EPG5: variants seen among roughly 807,000 people sequenced by gnomAD.
The protein encoded by EPG5 is ectopic P-granules 5 autophagy tethering factor, also known as ectopic P granules protein 5 homolog.
EPG5 carries 159 observed loss-of-function variants against 302.7 expected under a neutral mutation model. The ratio of observed to expected loss-of-function variants is 0.53; its 90% CI spans 0.46 to 0.60. The LOEUF (loss-of-function observed/expected upper bound fraction) is 0.60, where lower values mean the gene tolerates loss of function less well. Among genes scored for constraint, EPG5 ranks in the 20% least tolerant of loss-of-function variants. EPG5 has a pLI of 0.00. For synonymous variants in EPG5, 1,158 were observed against 1,136.8 expected, an observed-to-expected ratio of 1.02 and a Z score of -0.37; for missense variants, 2,896 against 3,092.4, an observed-to-expected ratio of 0.94 and a Z score of 1.51.
intron 33 of EPG5, among the ~76,000 whole-genome samples, 156 bp from the exon 34 acceptor site, chr18:45,878,604 G>A (rs763586168): frequency 2.6e-5 from 4 of 152,096 alleles, no homozygotes; most frequent in Non-Finnish European, 4.4e-5. Flanking sequence ...GTATGTTTAC[G>A]TTTTCATTGG....
chr18:45,883,624 T>G (rs1178541069), intron 30 of EPG5, among the ~76,000 whole-genome samples: 2 of 136,020 alleles, frequency 1.5e-5, no homozygotes, highest in East Asian at 2.1e-4. Flanking sequence ...GTTTTTTTTT[T>G]TTTTTTTTTT....
chr18:45,828,991 C>T, the EPG5 span: 1 of 678,998 alleles, frequency 1.5e-6, no homozygotes, highest in Non-Finnish European at 1.8e-6. Flanking sequence ...GAGCAGTTTG[C>T]TTGAACTGAG....
chr18:45,943,437 C>T (rs1599626693), intron 8 of EPG5, 126 bp from the exon 9 acceptor site: 1 of 728,672 alleles, frequency 1.4e-6, no homozygotes, highest in Non-Finnish European at 2.3e-6. Context: ...AGTCTCATTA[C>T]TCTGGCTCCC....
chr18:45,884,480 G>A, intron 30 of EPG5, 137 bp downstream of exon 30: 1 of 691,948 alleles, frequency 1.4e-6, no homozygotes, highest in South Asian at 2.1e-5. Flanking sequence ...TGAAGCTCAT[G>A]CAAACTGTGA....
the EPG5 span, among the ~76,000 whole-genome samples, chr18:45,830,701 T>C: frequency 1.4e-5 from 2 of 141,876 alleles, no homozygotes; most frequent in Non-Finnish European, 3.0e-5. Context: ...GTCTCCTGCC[T>C]CAGCCTCTCA....
Position 45,952,436 on chromosome 18 carries a change from C to A in EPG5, c.1216G>T (p.Val406Phe). 1 of 1,614,154 alleles carries A rather than the reference C, an allele frequency of 6.2e-7. No homozygotes were observed. Among genetic ancestry groups the A allele is most frequent in the African/African-American group, 1.3e-5 (1 of 75,038 alleles). The change falls in exon 3 of 44, where the codon GTT becomes TTT. Residue 406 changes from valine to phenylalanine, a missense_variant. By Grantham distance (50) the Val-to-Phe change is conservative. Coordinates refer to ENST00000282041, the MANE Select transcript of EPG5 (RefSeq NM_020964.3). Reference sequence around the variant, plus strand: ...TGGTGAATTGCTGAAGATCTCAGAACAGCTGAACTACTGAGCAATGCATAG... The same window carrying A: ...TGGTGAATTGCTGAAGATCTCAGAAAAGCTGAACTACTGAGCAATGCATAG... ...YIYALLSSSA[V>F]LRSSAIHQQG...
chr18:45,947,228 C>T (rs1003790922), intron 6 of EPG5, among the ~76,000 whole-genome samples: 5 of 152,142 alleles, frequency 3.3e-5, no homozygotes, highest in South Asian at 2.1e-4. Flanking sequence ...TCCTGGCCGA[C>T]ATGGTGAAAC....
intron 8 of EPG5, among the ~76,000 whole-genome samples, chr18:45,943,643 C>T (rs1350899981): frequency 6.6e-6 from 1 of 152,168 alleles, no homozygotes; most frequent in Non-Finnish European, 1.5e-5. Context: ...AGACTCGGGC[C>T]AGGCACGGTG....
At chr18:45,871,825 A>C (rs1208026452) in intron 35 of EPG5, among the ~76,000 whole-genome samples, 1 of 152,200 alleles carries the variant, frequency 6.6e-6, no homozygotes, top group Admixed American at 6.5e-5. Flanking sequence ...TCAAAAGGGC[A>C]CAAAGTTTCA....
At chr18:45,846,750 A>C (rs2048368026), downstream of EPG5, among the ~76,000 whole-genome samples, 1 of 152,158 alleles carries the variant, frequency 6.6e-6, no homozygotes, top group Admixed American at 6.5e-5. Flanking sequence ...TAAGAAAGTA[A>C]AAGAGTAAGA....
chr18:45,821,751 A>C, the EPG5 span, among the ~76,000 whole-genome samples: 1 of 152,226 alleles, frequency 6.6e-6, no homozygotes, highest in African/African-American at 2.4e-5. Flanking sequence ...GAACTCAAGC[A>C]TCTCAACAGC....
intron 1 of EPG5, among the ~76,000 whole-genome samples, chr18:45,966,458 A>ATATGTATATATGTGTATATATGTGTACC (rs1182962086): frequency 2.4e-4 from 36 of 152,110 alleles, no homozygotes; most frequent in African/African-American, 8.0e-4. Context: ...ATATGTGTAC[A>ATATGTATATATGTGTATATATGTGTACC]TATGTATATA....
Position 45,916,438 on chromosome 18 carries a change from C to T in EPG5, c.3384G>A (p.Gln1128=), listed in dbSNP as rs2050035169. The T allele has an allele frequency of 6.2e-7, 1 of 1,610,698 alleles. No individual in the cohort carries two copies. Among genetic ancestry groups the T allele is most frequent in the Non-Finnish European group, 8.5e-7 (1 of 1,177,296 alleles). ...GCTTAGGGGCTTGCAAGGCCCTCAC[C>T]TGGATCATGCTGTTGAGAAGCTTCA... ...DNVKLLNSMI[Q]AHISVSTQPN... Residue 1128 remains glutamine (Q), a splice_region_variant and synonymous_variant, in exon 18 of 44, where the codon CAG becomes CAA. Coordinates refer to ENST00000282041, the MANE Select transcript of EPG5 (RefSeq NM_020964.3).
chr18:45,906,595 A>G (rs1442034732), intron 24 of EPG5, among the ~76,000 whole-genome samples: 1 of 151,376 alleles, frequency 6.6e-6, no homozygotes, highest in East Asian at 1.9e-4. Context: ...TCCAGGCCCA[A>G]TCCAAATCAG....
At chr18:45,953,628 A>C in intron 2 of EPG5, 1 of 985,248 alleles carries the variant, frequency 1.0e-6, no homozygotes, top group Non-Finnish European at 1.2e-6. Flanking sequence ...ATAGGGTTGC[A>C]TCTAATGGTC....
At chr18:45,840,309 A>G in the EPG5 span, 8 of 1,515,022 alleles carry the variant, frequency 5.3e-6, no homozygotes, top group East Asian at 1.6e-4. Context: ...CAGGGGGTCC[A>G]GGCAGGAGAA....
chr18:45,845,682 G>C (rs2048357605), downstream of EPG5, among the ~76,000 whole-genome samples: 1 of 152,206 alleles, frequency 6.6e-6, no homozygotes, highest in African/African-American at 2.4e-5. Flanking sequence ...TTCAAGATTG[G>C]ACTTCCTGTT....
At chr18:45,847,240 C>T (rs2048372894), downstream of EPG5, among the ~76,000 whole-genome samples, 1 of 152,198 alleles carries the variant, frequency 6.6e-6, no homozygotes, top group East Asian at 1.9e-4. Context: ...CCCTGGGCAT[C>T]CCACCACTGA....
At chr18:45,932,531 A>T (rs1430125184) in intron 11 of EPG5, among the ~76,000 whole-genome samples, 1 of 152,242 alleles carries the variant, frequency 6.6e-6, no homozygotes, top group Non-Finnish European at 1.5e-5. Flanking sequence ...CTGGTTATAA[A>T]GAATAAGCAC....
Sources: allele counts gnomAD v4.1 joint callset (sites outside exome capture counted in the v4.1 genomes callset), GRCh38; gene constraint gnomAD v4.1.1; transcripts MANE v1.5; gene names NCBI Gene and HGNC (gene_info 2026-07-23, HGNC 2026-07-21).